Variants in ACOXL observed in about 807,000 individuals in gnomAD.
ACOXL encodes the protein acyl-coenzyme A oxidase-like protein.
ACOXL carries 70 observed loss-of-function variants against 71.9 expected under a neutral mutation model. The ratio of observed to expected loss-of-function variants is 0.97; its 90% confidence interval spans 0.80 to 1.19. ACOXL has a LOEUF of 1.19. Among genes scored for constraint, ACOXL ranks in the 50% most tolerant of loss-of-function variants. ACOXL has a pLI of 0.00. For synonymous variants in ACOXL, 253 were observed against 281.6 expected, an observed-to-expected ratio of 0.90 and a Z score of 1.02; for missense variants, 703 against 736.3, an observed-to-expected ratio of 0.95 and a Z score of 0.52.
chr2:110,919,650 C>T (rs1465971160), intron 11 of ACOXL, among the ~76,000 whole-genome samples: 1 of 152,122 alleles, frequency 6.6e-6, no homozygotes, highest in Non-Finnish European at 1.5e-5. Flanking sequence ...ACAAAATTGT[C>T]TACCACTTCA....
intron 17 of ACOXL, among the ~76,000 whole-genome samples, chr2:111,116,121 G>T (rs1561475): frequency 0.025 from 3,870 of 152,304 alleles, 167 homozygotes; most frequent in African/African-American, 0.088. Context: ...TATGTGGAAA[G>T]TTTAGGGGCT....
At chr2:110,933,449 C>T (rs780046897) in intron 11 of ACOXL, 40 bp from the exon 12 acceptor site, 8 of 1,595,326 alleles carry the variant, frequency 5.0e-6, no homozygotes, top group Non-Finnish European at 6.8e-6. Flanking sequence ...GTGCTGACTG[C>T]ACCGCCACTT....
chr2:110,816,086 T>G (rs1277950656), intron 9 of ACOXL, among the ~76,000 whole-genome samples: 1 of 151,810 alleles, frequency 6.6e-6, no homozygotes, highest in Non-Finnish European at 1.5e-5. Context: ...GATGAATGGA[T>G]AGATGGGTGG....
intron 14 of ACOXL, chr2:111,016,703 C>G (rs935542010): frequency 6.5e-6 from 1 of 153,144 alleles, no homozygotes; most frequent in Admixed American, 6.5e-5. Context: ...AGTGGGTGCC[C>G]AGGCCAGCCA....
chr2:110,831,474 C>T (rs776100930), intron 9 of ACOXL, among the ~76,000 whole-genome samples: 12 of 152,116 alleles, frequency 7.9e-5, no homozygotes, highest in Non-Finnish European at 1.5e-4. Context: ...AATGGAGACA[C>T]GTACCATGTT....
At chr2:111,078,671 C>T (rs978904464) in intron 16 of ACOXL, among the ~76,000 whole-genome samples, 6 of 152,176 alleles carry the variant, frequency 3.9e-5, no homozygotes, top group African/African-American at 1.4e-4. Context: ...AAGCTTTTGC[C>T]AGATAATTCT....
chr2:110,835,713 A>T (rs1432295694), intron 9 of ACOXL, among the ~76,000 whole-genome samples: 1 of 152,212 alleles, frequency 6.6e-6, no homozygotes, highest in Non-Finnish European at 1.5e-5. Context: ...AGCTAATAAA[A>T]GCTTTGTCAG....
chr2:110,902,206 A>G (rs1423871514), intron 10 of ACOXL, among the ~76,000 whole-genome samples: 2 of 152,130 alleles, frequency 1.3e-5, no homozygotes, highest in Admixed American at 1.3e-4. Context: ...CACAGTGGCT[A>G]CACCTGTAAT....
chr2:110,881,891 G>GT lies in ACOXL; in HGVS notation c.789-26888dup, dbSNP rs112502730. On this transcript the variant is annotated intron_variant, in intron 10 of 17. Transcript: ENST00000439055. ...TACCCCTTTACCTGAGGGACATTGG[G>GT]TTTTTTTTTTATTGGGGAGCTGTTT... Among the ~76,000 whole-genome samples the GT allele has an allele frequency of 7.4e-4, 111 of 149,464 alleles. 1 individual carries two copies. Among genetic ancestry groups the GT allele is most frequent in the Middle Eastern group, 6.8e-3 (2 of 292 alleles).
chr2:110,816,074 T>C (rs1365375351), intron 9 of ACOXL, among the ~76,000 whole-genome samples: 1 of 151,878 alleles, frequency 6.6e-6, no homozygotes, highest in Non-Finnish European at 1.5e-5. Context: ...GATGAATAGA[T>C]GGATGAATGG....
At chr2:110,756,919 G>C (rs1679776879) in intron 1 of ACOXL, among the ~76,000 whole-genome samples, 1 of 151,824 alleles carries the variant, frequency 6.6e-6, no homozygotes, top group Non-Finnish European at 1.5e-5. Context: ...TAAATTCAGG[G>C]GTACATGTGC....
At chr2:110,920,438 T>C (rs2060023144) in intron 11 of ACOXL, among the ~76,000 whole-genome samples, 3 of 152,228 alleles carry the variant, frequency 2.0e-5, no homozygotes, top group Admixed American at 1.3e-4. Context: ...TGTTTTCTTA[T>C]TGTTGAGTGC....
intron 10 of ACOXL, among the ~76,000 whole-genome samples, chr2:110,906,537 CAAA>C (rs368985557): frequency 0.36 from 25,693 of 71,348 alleles, 1,935 homozygotes; most frequent in Non-Finnish European, 0.43. Flanking sequence ...GACTCTGTCT[CAAA>C]AAAAAAAAAA....
intron 10 of ACOXL, among the ~76,000 whole-genome samples, chr2:110,877,701 G>A (rs1427390638): frequency 6.6e-6 from 1 of 152,196 alleles, no homozygotes; most frequent in Non-Finnish European, 1.5e-5. Context: ...CTGACATTGA[G>A]CCTGTGCATT....
chr2:110,746,731 C>G (rs768072477), intron 1 of ACOXL, among the ~76,000 whole-genome samples: 1 of 152,104 alleles, frequency 6.6e-6, no homozygotes, highest in South Asian at 2.1e-4. Context: ...CTTAGGTCAG[C>G]GAACTACCGA....
chr2:110,779,702 A>G (rs1033853919), intron 2 of ACOXL, among the ~76,000 whole-genome samples: 2 of 152,240 alleles, frequency 1.3e-5, no homozygotes. Context: ...AGGCAATTCA[A>G]TGGGAAAAGC....
intron 17 of ACOXL, 29 bp from the exon 18 acceptor site, chr2:111,117,587 G>T: frequency 6.4e-7 from 1 of 1,551,350 alleles, no homozygotes; most frequent in South Asian, 1.2e-5. Context: ...GCCAACATCT[G>T]ACCTGTCCCA....
intron 1 of ACOXL, among the ~76,000 whole-genome samples, chr2:110,751,322 A>AAT (rs1678934861): frequency 1.1e-4 from 16 of 151,310 alleles, no homozygotes; most frequent in African/African-American, 3.7e-4. Context: ...AAAAAAAAAA[A>AAT]ATTTAGACAT....
At chr2:110,918,848 A>G (rs894422565) in intron 11 of ACOXL, among the ~76,000 whole-genome samples, 2 of 152,232 alleles carry the variant, frequency 1.3e-5, no homozygotes, top group African/African-American at 4.8e-5. Context: ...CAAAACCACA[A>G]TGAGATACCA....
Sources: gnomAD v4.1 joint callset for allele counts (sites outside exome capture counted in the v4.1 genomes callset) on GRCh38, gnomAD v4.1.1 for gene constraint, MANE v1.5 for transcripts, NCBI Gene and HGNC (gene_info 2026-07-23, HGNC 2026-07-21) for gene names.